The following NLRP13 variants were observed in gnomAD, a reference collection of about 807,000 sequenced individuals.
The protein encoded by NLRP13 is NACHT, LRR and PYD domains-containing protein 13.
NLRP13 carries 82 observed loss-of-function variants against 94.4 expected under a neutral mutation model. The observed-to-expected ratio is 0.87, with a 90% CI of 0.73 to 1.04. NLRP13 has a LOEUF of 1.04. Ranked by LOEUF, NLRP13 falls within the 50% of genes least tolerant of loss-of-function variation. NLRP13 has a pLI of 0.00. For synonymous variants in NLRP13, 553 were observed against 464.7 expected (o/e 1.19, Z -2.45); for missense variants, 1,426 against 1,230.8 (o/e 1.16, Z -2.37).
Position 55,916,423 on chromosome 19 carries a change from A to G in NLRP13, c.524-3130T>C, listed in dbSNP as rs796281833. ...AAATAATTTAAAATATTGATTTTAAAGAAGCTCAGTGAGATCCAAGAGAAA... is the reference window on the plus strand; with the variant it reads ...AAATAATTTAAAATATTGATTTTAAGGAAGCTCAGTGAGATCCAAGAGAAA... On this transcript the variant is annotated intron_variant, in intron 4 of 10. Transcript: ENST00000342929. Among the ~76,000 whole-genome samples the G allele has an allele frequency of 3.3e-5, 5 of 152,342 alleles. 1 individual carries two copies. The highest frequency in any genetic ancestry group is 1.2e-4 in the African/African-American group (5 of 41,590).
chr19:55,912,074 C>T lies in NLRP13; in HGVS notation c.1743G>A (p.Trp581Ter). The stretch of plus-strand genomic sequence containing the variant: ...CAAAGAAGAACAGAACCACTGGAGT[C>T]CAGTAGGCTTCTTTGTCAAGCAAGA... Reference protein sequence around the residue: ...QHVLLDKEAYWTPVVLFFFGL... With the variant: ...QHVLLDKEAY Residue 581 changes from tryptophan (W) to a stop codon, truncating the protein, a stop_gained, in exon 5 of 11, where the codon TGG (tryptophan) becomes TGA (stop). Transcript: ENST00000342929. LOFTEE classifies it high-confidence loss of function. 1 of 1,614,176 alleles carries T rather than the reference C, an allele frequency of 6.2e-7. No homozygotes were observed. Among genetic ancestry groups the T allele is most frequent in the Non-Finnish European group, 8.5e-7 (1 of 1,180,036 alleles).
intron 4 of NLRP13, among the ~76,000 whole-genome samples, chr19:55,916,795 G>A (rs1986686883): frequency 6.6e-6 from 1 of 152,072 alleles, no homozygotes; most frequent in South Asian, 2.1e-4. Flanking sequence ...AAAACCTGTT[G>A]TGGAAATAAT....
downstream of NLRP13, chr19:55,892,241 A>G: frequency 1.5e-6 from 1 of 664,106 alleles, no homozygotes; most frequent in Non-Finnish European, 2.1e-6. Flanking sequence ...TGTGGCATGA[A>G]GTTTGGTGTG....
chr19:55,899,075 G>GGTGC, intron 9 of NLRP13, 138 bp from the exon 10 acceptor site: 1 of 903,204 alleles, frequency 1.1e-6, no homozygotes, highest in Non-Finnish European at 1.6e-6. Context: ...GAAGGAGGAG[G>GGTGC]GTGCGAGTCA....
chr19:55,899,510 G>A (rs952074812), intron 9 of NLRP13, among the ~76,000 whole-genome samples: 4 of 151,630 alleles, frequency 2.6e-5, no homozygotes, highest in Admixed American at 1.3e-4. Context: ...GGCCGGGCAC[G>A]GTGGCTCACG....
intron 1 of NLRP13, among the ~76,000 whole-genome samples, chr19:55,927,345 G>A (rs1245114020): frequency 6.7e-6 from 1 of 149,754 alleles, no homozygotes; most frequent in African/African-American, 2.5e-5. Flanking sequence ...TCCAGCCTGG[G>A]TGGCAGAGCG....
chr19:55,906,759 C>A (rs371821683), intron 7 of NLRP13, among the ~76,000 whole-genome samples: 23,560 of 151,918 alleles, frequency 0.16, 1,939 homozygotes, highest in Middle Eastern at 0.25. Context: ...TACAGACCCC[C>A]CCCTGCTCCA....
chr19:55,894,285 T>G (rs1985939136), downstream of NLRP13, among the ~76,000 whole-genome samples: 1 of 152,090 alleles, frequency 6.6e-6, no homozygotes, highest in Non-Finnish European at 1.5e-5. Flanking sequence ...CAAGTGATCC[T>G]CCTGCCTTGG....
Position 55,905,091 on chromosome 19 carries a change from C to T in NLRP13, c.2469G>A (p.Ser823=), listed in dbSNP as rs771430769. ...KYLCLEKCNL[S]AASCQDLALF... ...AGGCTAGGTCCTGACAGCTGGCTGC[C>T]GACAAGTTGCATTTCTCCAGGCTGT... The change falls in exon 8 of 11, where the codon TCG becomes TCA. Residue 823 remains serine (S), a synonymous_variant. Transcript: ENST00000342929. 1.2e-5 allele frequency: 20 copies of T among 1,613,514 alleles called. No individual in the cohort carries two copies. Among genetic ancestry groups the T allele is most frequent in the African/African-American group, 5.3e-5 (4 of 74,786 alleles).
At chr19:55,914,118 C>T (rs979675915) in intron 4 of NLRP13, among the ~76,000 whole-genome samples, 3 of 152,204 alleles carry the variant, frequency 2.0e-5, no homozygotes, top group Non-Finnish European at 2.9e-5. Context: ...AAGATCAAGG[C>T]TTTGTCTCTC....
chr19:55,925,351 T>C (rs980229020), intron 1 of NLRP13, among the ~76,000 whole-genome samples: 2 of 152,190 alleles, frequency 1.3e-5, no homozygotes, highest in Admixed American at 1.3e-4. Flanking sequence ...TGCCTGATAA[T>C]CCTAATCATG....
intron 9 of NLRP13, among the ~76,000 whole-genome samples, chr19:55,900,122 T>C (rs1033459042): frequency 4.6e-5 from 7 of 152,146 alleles, no homozygotes; most frequent in African/African-American, 1.7e-4. Flanking sequence ...CCACATTGTA[T>C]TCATAAAGTT....
downstream of NLRP13, chr19:55,892,007 C>T: frequency 3.1e-6 from 3 of 966,882 alleles, no homozygotes; most frequent in Non-Finnish European, 4.0e-6. Flanking sequence ...GGGATCACCA[C>T]CACCACTTGT....
Position 55,912,422 on chromosome 19 carries a change from G to A in NLRP13, c.1395C>T (p.Ser465=), listed in dbSNP as rs1986545342. The A allele has an allele frequency of 3.7e-6, 6 of 1,614,010 alleles. No homozygotes were observed. Among genetic ancestry groups the A allele is most frequent in the African/African-American group, 1.3e-5 (1 of 74,908 alleles). ...LYAYFFSNLF[S]TAEVDLADDS... The stretch of plus-strand genomic sequence containing the variant: ...CATCTGCCAAATCTACCTCTGCTGT[G>A]GAGAACAAGTTGGAGAAAAAATAGG... Residue 465 remains serine, a synonymous_variant, in exon 5 of 11, where the codon TCC becomes TCT. Transcript: ENST00000342929.
intron 5 of NLRP13, 36 bp downstream of exon 5, chr19:55,911,670 G>A (rs1243512891): frequency 3.9e-6 from 6 of 1,530,458 alleles, no homozygotes; most frequent in African/African-American, 2.8e-5. Flanking sequence ...GAGAAAACAG[G>A]AGAAAGCTGA....
chr19:55,895,173 A>AC (rs919197968), downstream of NLRP13, among the ~76,000 whole-genome samples: 26 of 147,252 alleles, frequency 1.8e-4, no homozygotes, highest in Admixed American at 1.5e-3. Context: ...ACATGGTGAA[A>AC]CCCCCGTGTC....
chr19:55,915,354 T>G (rs1364222384), intron 4 of NLRP13, among the ~76,000 whole-genome samples: 2 of 151,998 alleles, frequency 1.3e-5, no homozygotes, highest in Non-Finnish European at 2.9e-5. Context: ...TCCCAGCACT[T>G]TGGGAGGCCG....
At chr19:55,920,303 G>A (rs1276165053) in intron 4 of NLRP13, among the ~76,000 whole-genome samples, 2 of 152,090 alleles carry the variant, frequency 1.3e-5, no homozygotes, top group Non-Finnish European at 2.9e-5. Flanking sequence ...AAAAACAAAT[G>A]CAAGAAAAAC....
chr19:55,900,510 G>A lies in NLRP13; in HGVS notation c.2789+1525C>T, dbSNP rs535470070. On this transcript the variant is annotated intron_variant, in intron 9 of 10. Coordinates refer to ENST00000342929, the MANE Select transcript of NLRP13 (RefSeq NM_176810.2). ...AACCAGGCCAGGCGCGGTGGCTCAC[G>A]CCTGTAATCCCAGCACTTTGGGAGG... 9.2e-5 allele frequency among the ~76,000 whole-genome samples: 14 copies of A among 152,146 alleles called. No homozygotes were observed. The East Asian group carries it at 2.5e-3, about 27-fold the overall frequency.
Sources: gnomAD v4.1 joint callset for allele counts (sites outside exome capture counted in the v4.1 genomes callset) on GRCh38, gnomAD v4.1.1 for gene constraint, MANE v1.5 for transcripts, NCBI Gene and HGNC (gene_info 2026-07-23, HGNC 2026-07-21) for gene names.